PCDHA7: variants seen among roughly 807,000 people sequenced by gnomAD.
The protein encoded by PCDHA7 is protocadherin alpha-7.
In PCDHA7, 37 loss-of-function variants were observed where a neutral mutation model predicts 57.2. That is an observed-to-expected ratio of 0.65 (90% CI 0.50 to 0.85). The LOEUF (loss-of-function observed/expected upper bound fraction) is 0.85. Ranked by LOEUF, PCDHA7 falls within the 40% of genes least tolerant of loss-of-function variation. The probability of loss-of-function intolerance (pLI) is 0.00; values close to 1 mark genes in which losing one functional copy is unlikely to be tolerated. For missense variants in PCDHA7, 1,188 were observed against 1,241.8 expected, an observed-to-expected ratio of 0.96 and a Z score of 0.65; for synonymous variants, 553 against 558.8, an observed-to-expected ratio of 0.99 and a Z score of 0.15.
rs2150365344 is a variant in PCDHA7 at position 140,843,702 on chromosome 5, A to C, written c.2355+6964A>C. ...GGCGAAGAGCAAGATTTAAATGTTG[A>C]TCATGGCCTCAAAGTAAGTCCATTT... On this transcript the variant is annotated intron_variant, in intron 1 of 3. Transcript: ENST00000525929. 12 of 1,580,560 alleles carry C rather than the reference A, an allele frequency of 7.6e-6. 1 individual carries two copies. In the African/African-American group the frequency reaches 1.5e-4, roughly 20 times the overall value.
chr5:140,836,386 C>G lies in PCDHA7; in HGVS notation c.2003C>G (p.Ser668Trp). Reference protein sequence around the residue: ...SLTATATVLVSLVESGQAPKA... With the variant: ...SLTATATVLVWLVESGQAPKA... ...ACAGCCACAGCCACCGTGCTGGTGT[C>G]GCTGGTGGAAAGCGGCCAGGCACCA... The change falls in exon 1 of 4, where the codon TCG becomes TGG. Residue 668 changes from serine to tryptophan, a missense_variant. Ser to Trp is a radical substitution (Grantham distance 177). Transcript: ENST00000525929. The G allele has an allele frequency of 6.2e-7, 1 of 1,613,722 alleles. No homozygotes were observed. The highest frequency in any genetic ancestry group is 8.5e-7 in the Non-Finnish European group (1 of 1,179,824).
chr5:140,851,043 C>T (rs2041935214), intron 1 of PCDHA7: 7 of 1,389,064 alleles, frequency 5.0e-6, no homozygotes, highest in Middle Eastern at 2.1e-4. Flanking sequence ...ACATTGGAGC[C>T]GACTTTGTCT....
rs2150255881 is a variant in PCDHA7 at position 140,836,226 on chromosome 5, G to A, written c.1843G>A (p.Ala615Thr). Residue 615 changes from alanine to threonine, a missense_variant, in exon 1 of 4, where the codon GCG becomes ACG. Coordinates refer to ENST00000525929, the MANE Select transcript of PCDHA7 (RefSeq NM_018910.3). ...GCTTTCGTATGAGTTGCAACCGGTG[G>A]CGGCCGGTGCGAGCATCCCGTTCCG... ...AWLSYELQPVAAGASIPFRVG... is the reference protein window; with the variant it reads ...AWLSYELQPVTAGASIPFRVG... 1.9e-6 allele frequency: 3 copies of A among 1,613,708 alleles called. No homozygotes were observed. Among genetic ancestry groups the A allele is most frequent in the Admixed American group, 1.7e-5 (1 of 59,998 alleles).
intron 1 of PCDHA7, chr5:140,862,434 T>C: frequency 2.8e-6 from 1 of 354,954 alleles, no homozygotes; most frequent in South Asian, 2.1e-5. Flanking sequence ...AAACTATTCG[T>C]TGGTACTCCA....
In PCDHA7 at chr5:140,843,124, G is replaced by C. The variant is rs200664126; in HGVS notation, c.2355+6386G>C. 20 of 1,595,754 alleles carry C rather than the reference G, an allele frequency of 1.3e-5. 2 individuals are homozygous for C. Among genetic ancestry groups the C allele is most frequent in the South Asian group, 7.7e-5 (7 of 90,518 alleles). On this transcript the variant is annotated intron_variant, in intron 1 of 3. Transcript: ENST00000525929. ...AGGTGCGCGCAGTGGACGCCGACTC[G>C]GGCTACAACGCGTGGCTTTCGTATG...
At chr5:140,987,982 C>T (rs781838400) in intron 3 of PCDHA7, among the ~76,000 whole-genome samples, 16 of 152,206 alleles carry the variant, frequency 1.1e-4, no homozygotes, top group Non-Finnish European at 1.5e-4. Flanking sequence ...TCCATGGAGA[C>T]TCCATCTCTG....
At chr5:140,894,259 T>A (rs2064392118) in intron 1 of PCDHA7, among the ~76,000 whole-genome samples, 1 of 152,106 alleles carries the variant, frequency 6.6e-6, no homozygotes. Context: ...TCTTTACAAG[T>A]GGTAGCTTAT....
intron 1 of PCDHA7, chr5:140,875,192 C>T (rs2055339316): frequency 2.0e-6 from 1 of 509,102 alleles, no homozygotes. Flanking sequence ...AAGAGTGACC[C>T]AGGAAGTGGC....
At chr5:140,975,053 A>C (rs2096651589) in intron 1 of PCDHA7, among the ~76,000 whole-genome samples, 1 of 152,144 alleles carries the variant, frequency 6.6e-6, no homozygotes, top group Admixed American at 6.5e-5. Flanking sequence ...GGAAGAATCT[A>C]CTATCGAGCT....
At chr5:140,843,478 T>C in intron 1 of PCDHA7, 1 of 1,595,862 alleles carries the variant, frequency 6.3e-7, no homozygotes, top group Non-Finnish European at 8.6e-7. Flanking sequence ...TGCTGTACAC[T>C]GCGCTGCGGT....
rs2150254425 is a variant in PCDHA7, at chr5:140,836,159, G to A, written c.1776G>A (p.Ala592=). ...PRSVGAGHVV[A]KVRAVDADSG... ...CTGTGGGCGCGGGCCATGTGGTGGCGAAGGTACGTGCAGTTGACGCTGACT... is the reference window on the plus strand; with the variant it reads ...CTGTGGGCGCGGGCCATGTGGTGGCAAAGGTACGTGCAGTTGACGCTGACT... Residue 592 remains alanine, a synonymous_variant, in exon 1 of 4, where the codon GCG becomes GCA. Transcript: ENST00000525929. The A allele has an allele frequency of 6.2e-7, 1 of 1,613,838 alleles. No individual in the cohort carries two copies.
intron 3 of PCDHA7, among the ~76,000 whole-genome samples, chr5:140,995,046 A>C (rs193191582): frequency 1.9e-4 from 29 of 152,184 alleles, no homozygotes; most frequent in Non-Finnish European, 3.7e-4. Context: ...CCTTAACTCT[A>C]CTGAATTTTC....
rs1554262820 is a variant in PCDHA7, at chr5:141,010,243, G to A, written c.*306G>A. On this transcript the variant is annotated 3_prime_UTR_variant, in exon 4 of 4. Coordinates refer to ENST00000525929, the MANE Select transcript of PCDHA7 (RefSeq NM_018910.3). The stretch of plus-strand genomic sequence containing the variant: ...TTCCCAGCCCCGCCAGTGAGAGGTT[G>A]GACTCTCTGCCCTGTGCTCCGGGGA... 1 of 1,551,890 alleles carries A rather than the reference G, an allele frequency of 6.4e-7. No individual in the cohort carries two copies. Among genetic ancestry groups the A allele is most frequent in the Non-Finnish European group, 8.7e-7 (1 of 1,147,036 alleles).
At chr5:140,941,618 C>A (rs532721732) in intron 1 of PCDHA7, among the ~76,000 whole-genome samples, 1 of 151,904 alleles carries the variant, frequency 6.6e-6, no homozygotes, top group African/African-American at 2.4e-5. Context: ...CCCAGCCCAT[C>A]CTGCTTCTTA....
At chr5:140,966,835 G>A in intron 1 of PCDHA7, 10 of 1,564,886 alleles carry the variant, frequency 6.4e-6, no homozygotes, top group Non-Finnish European at 7.8e-6. Flanking sequence ...TGCCCTGGCT[G>A]CTGCTACTGC....
At chr5:140,877,097 T>A in intron 1 of PCDHA7, 1 of 1,613,308 alleles carries the variant, frequency 6.2e-7, no homozygotes, top group Non-Finnish European at 8.5e-7. Context: ...GACGCCGGCG[T>A]GCCGCCTCTG....
chr5:140,946,527 G>A (rs1414920308), intron 1 of PCDHA7, among the ~76,000 whole-genome samples: 1 of 150,718 alleles, frequency 6.6e-6, no homozygotes, highest in Non-Finnish European at 1.5e-5. Flanking sequence ...GCACTCCCAT[G>A]TTCATTGCAG....
rs1158255259 is a variant in PCDHA7, at chr5:140,838,075, ATAGTGTGTGTGTGTGTGTGT to A, written c.2355+1338_2355+1357del. 3.0e-3 allele frequency among the ~76,000 whole-genome samples: 387 copies of A among 128,240 alleles called. 6 individuals carry two copies. The highest frequency in any genetic ancestry group is 2.7e-3 in the South Asian group (10 of 3,754). 84.1% of individuals were successfully genotyped at this position (128,240 alleles called of 152,430 possible). A position where few individuals can be genotyped will look rare whatever the true frequency, so the allele number is the denominator to read the frequency against. ...GTTTTCCACTTTAAGTTATATATAT[ATAGTGTGTGTGTGTGTGTGT>A]GTGTGTGTGTGTGTGTGTGTGTGTG... On this transcript the variant is annotated intron_variant, in intron 1 of 3. Transcript: ENST00000525929.
Position 140,849,717 on chromosome 5 carries a change from G to C in PCDHA7, c.2355+12979G>C, listed in dbSNP as rs141495063. The C allele has an allele frequency of 1.2e-4, 185 of 1,598,594 alleles. 18 individuals are homozygous for C. In the Middle Eastern group the frequency reaches 1.2e-3, roughly 10 times the overall value. ...CACCTACAAGAATTACTACTCGTTG[G>C]TGCTGGACAGAGCTCTGGACCGCGA... On this transcript the variant is annotated intron_variant, in intron 1 of 3. Coordinates refer to ENST00000525929, the MANE Select transcript of PCDHA7 (RefSeq NM_018910.3).
Sources: allele counts gnomAD v4.1 joint callset (sites outside exome capture counted in the v4.1 genomes callset), GRCh38; gene constraint gnomAD v4.1.1; transcripts MANE v1.5; gene names NCBI Gene and HGNC (gene_info 2026-07-23, HGNC 2026-07-21).